The following MAP3K7 variants were observed in gnomAD, a reference collection of about 807,000 sequenced individuals.
MAP3K7 encodes TGF-beta activated kinase 1.
MAP3K7 carries 21 observed loss-of-function variants against 84.8 expected under a neutral mutation model. The observed-to-expected ratio is 0.25, with a 90% CI of 0.18 to 0.36. The LOEUF is 0.36. MAP3K7 is among the 10% of genes least tolerant of loss of function. The probability of loss-of-function intolerance (pLI) is 1.00; values close to 1 mark genes in which losing one functional copy is unlikely to be tolerated. For synonymous variants in MAP3K7, 241 were observed against 247.7 expected (o/e 0.97, Z 0.25); for missense variants, 503 against 747.7 (o/e 0.67, Z 3.82).
chr6:90,557,993 C>T (rs984902559), intron 5 of MAP3K7, among the ~76,000 whole-genome samples: 3 of 152,188 alleles, frequency 2.0e-5, no homozygotes, highest in Admixed American at 1.3e-4. Context: ...CTCTTCCTGA[C>T]CACAGAATCT....
At chr6:90,525,136 A>G (rs992399998) in intron 13 of MAP3K7, among the ~76,000 whole-genome samples, 1 of 152,108 alleles carries the variant, frequency 6.6e-6, no homozygotes, top group Non-Finnish European at 1.5e-5. Context: ...GTCAGGATGA[A>G]TTAAATGCTA....
intron 1 of MAP3K7, among the ~76,000 whole-genome samples, chr6:90,579,956 A>G (rs925404264): frequency 6.6e-6 from 1 of 152,238 alleles, no homozygotes; most frequent in Non-Finnish European, 1.5e-5. Context: ...CTCTCAGGCT[A>G]TGTAAAACAG....
Position 90,571,282 on chromosome 6 carries a change from A to G in MAP3K7, c.231+415T>C, listed in dbSNP as rs1007145983. 5.3e-5 allele frequency among the ~76,000 whole-genome samples: 8 copies of G among 152,168 alleles called. No homozygotes were observed. In the East Asian group the frequency reaches 1.5e-3, roughly 29 times the overall value. ...GTGCAAATTTTCATGCTAAATGAGA[A>G]AAATCAAATTTGAAATAATTTTTCT... On this transcript the variant is annotated intron_variant, in intron 2 of 16. Coordinates refer to ENST00000369329, the MANE Select transcript of MAP3K7 (RefSeq NM_145331.3).
chr6:90,566,107 A>T (rs1250751329), intron 3 of MAP3K7, among the ~76,000 whole-genome samples: 3 of 152,214 alleles, frequency 2.0e-5, no homozygotes, highest in Non-Finnish European at 2.9e-5. Flanking sequence ...AGCCAATATC[A>T]TCCTGAATAG....
At chr6:90,586,580 G>A (rs540954452) in intron 1 of MAP3K7, among the ~76,000 whole-genome samples, 184 bp downstream of exon 1, 1 of 152,232 alleles carries the variant, frequency 6.6e-6, no homozygotes, top group South Asian at 2.1e-4. Context: ...AGCTACTCCC[G>A]AGCAGTTGAG....
chr6:90,569,981 C>G (rs1477700840), intron 2 of MAP3K7, among the ~76,000 whole-genome samples: 1 of 152,034 alleles, frequency 6.6e-6, no homozygotes, highest in African/African-American at 2.4e-5. Context: ...TATCTAGAGC[C>G]AACATGTGTG....
intron 13 of MAP3K7, among the ~76,000 whole-genome samples, chr6:90,526,826 G>C (rs1775337458): frequency 6.6e-6 from 1 of 151,986 alleles, no homozygotes; most frequent in Non-Finnish European, 1.5e-5. Context: ...TCAAGATAAG[G>C]ATTTTTCCAA....
intron 8 of MAP3K7, chr6:90,551,790 C>T (rs1776186363): frequency 6.5e-6 from 2 of 305,520 alleles, no homozygotes; most frequent in Middle Eastern, 9.6e-4. Context: ...GACAAACATA[C>T]TTGTCCACTA....
intron 1 of MAP3K7, among the ~76,000 whole-genome samples, chr6:90,574,443 G>C (rs1777006572): frequency 6.6e-6 from 1 of 152,096 alleles, no homozygotes; most frequent in African/African-American, 2.4e-5. Context: ...TAACTAAGAT[G>C]AATAGCAAGC....
At chr6:90,542,024 G>A (rs1208580062) in intron 12 of MAP3K7, among the ~76,000 whole-genome samples, 1 of 151,936 alleles carries the variant, frequency 6.6e-6, no homozygotes, top group African/African-American at 2.4e-5. Context: ...AAGAATCCTT[G>A]CAATTGGGTT....
rs1467964057 is a variant in MAP3K7, at chr6:90,560,155, A to G, written c.403T>C (p.Leu135=). Residue 135 remains leucine (L), a synonymous_variant, in exon 5 of 17, where the codon TTA becomes CTA. Transcript: ENST00000369329. The part of the protein sequence containing the change: ...YTAAHAMSWC[L]QCSQGVAYLH... ...TAAGCCACTCCTTGGGAACACTGTA[A>G]ACACCAACTCATTGCGTGGGCAGCA... is the stretch of plus-strand genomic sequence containing the variant. 1 of 1,614,060 alleles carries G rather than the reference A, an allele frequency of 6.2e-7. No individual in the cohort carries two copies. The highest frequency in any genetic ancestry group is 8.5e-7 in the Non-Finnish European group (1 of 1,180,030).
chr6:90,536,597 G>A, intron 12 of MAP3K7, 196 bp from the exon 13 acceptor site: 1 of 546,124 alleles, frequency 1.8e-6, no homozygotes. Flanking sequence ...AGAAACAGCT[G>A]CGGTGTTTTA....
rs1774935895 is a variant in MAP3K7 at position 90,515,704 on chromosome 6, T to C, written c.*797A>G. 1 of 151,938 alleles carries C rather than the reference T, an allele frequency of 6.6e-6. No individual in the cohort carries two copies. Among genetic ancestry groups the C allele is most frequent in the Admixed American group, 6.6e-5 (1 of 15,222 alleles). The allele number at this position is 151,938 out of a possible 1,614,324, so 9.4% of individuals were successfully genotyped here. ...ATCATTTAAGCTCAATCATGTTCTT[T>C]TGCCTTTTAATTTCATTTAAGAGAT... On this transcript the variant is annotated 3_prime_UTR_variant, in exon 17 of 17. Coordinates refer to ENST00000369329, the MANE Select transcript of MAP3K7 (RefSeq NM_145331.3).
chr6:90,557,751 C>T lies in MAP3K7; in HGVS notation c.483-1127G>A, dbSNP rs1181849578. Among the ~76,000 whole-genome samples the T allele has an allele frequency of 4.6e-5, 7 of 152,292 alleles. No individual in the cohort carries two copies. In the East Asian group the frequency reaches 1.2e-3, roughly 25 times the overall value. On this transcript the variant is annotated intron_variant, in intron 5 of 16. Coordinates refer to ENST00000369329, the MANE Select transcript of MAP3K7 (RefSeq NM_145331.3). ...TTTATGTTAGTACTCCTTTACTCGA[C>T]TTCAAAAGTTCACCAGCCTTGAACA...
At chr6:90,524,122 G>A (rs1775244847) in intron 13 of MAP3K7, among the ~76,000 whole-genome samples, 1 of 152,116 alleles carries the variant, frequency 6.6e-6, no homozygotes, top group African/African-American at 2.4e-5. Flanking sequence ...TGCACTCAGA[G>A]GAATGGACCA....
chr6:90,571,359 AT>A (rs1212146464), intron 2 of MAP3K7, among the ~76,000 whole-genome samples: 1 of 152,120 alleles, frequency 6.6e-6, no homozygotes, highest in East Asian at 1.9e-4. Flanking sequence ...AGTGTATAAA[AT>A]TTCTTAATTT....
At chr6:90,517,757 A>G (rs987130866) in intron 16 of MAP3K7, among the ~76,000 whole-genome samples, 1 of 151,738 alleles carries the variant, frequency 6.6e-6, no homozygotes, top group African/African-American at 2.4e-5. Context: ...AGCTTTTCGC[A>G]AATTCAGAAA....
chr6:90,560,864 T>G (rs1267445744), intron 4 of MAP3K7, among the ~76,000 whole-genome samples: 2 of 152,084 alleles, frequency 1.3e-5, no homozygotes, highest in African/African-American at 4.8e-5. Flanking sequence ...GGCACACTAC[T>G]ACAAGAGAGA....
At chr6:90,582,195 G>C (rs537487610) in intron 1 of MAP3K7, among the ~76,000 whole-genome samples, 3 of 152,228 alleles carry the variant, frequency 2.0e-5, no homozygotes, top group South Asian at 4.1e-4. Context: ...AAAAGTATCT[G>C]CTAACTATAA....
Sources: allele counts gnomAD v4.1 joint callset (sites outside exome capture counted in the v4.1 genomes callset), GRCh38; gene constraint gnomAD v4.1.1; transcripts MANE v1.5; gene names NCBI Gene and HGNC (gene_info 2026-07-23, HGNC 2026-07-21).